Variants in NPAS3 observed in about 807,000 individuals in gnomAD.
NPAS3 encodes the protein neuronal PAS domain-containing protein 3.
NPAS3 carries 14 observed loss-of-function variants against 73.1 expected under a neutral mutation model. The observed-to-expected ratio is 0.19, with a 90% CI of 0.13 to 0.30. The LOEUF is 0.30. Ranked by LOEUF, NPAS3 falls within the 10% of genes least tolerant of loss-of-function variation. NPAS3 has a pLI of 1.00. For synonymous variants in NPAS3, 620 were observed against 541.5 expected (o/e 1.14, Z -2.01); for missense variants, 1,096 against 1,250.0 (o/e 0.88, Z 1.86).
chr14:33,421,929 A>G (rs545832173), intron 4 of NPAS3, among the ~76,000 whole-genome samples: 2 of 152,086 alleles, frequency 1.3e-5, no homozygotes, highest in African/African-American at 4.8e-5. Context: ...TAACTGGAGT[A>G]GTTTTTAATT....
At chr14:33,188,073 A>G (rs2139485905) in intron 2 of NPAS3, among the ~76,000 whole-genome samples, 1 of 152,350 alleles carries the variant, frequency 6.6e-6, no homozygotes, top group South Asian at 2.1e-4. Context: ...ACTGAAATCC[A>G]GGCAGTCTGA....
intron 7 of NPAS3, among the ~76,000 whole-genome samples, chr14:33,757,389 A>G (rs1441899690): frequency 1.3e-5 from 2 of 152,178 alleles, no homozygotes; most frequent in Non-Finnish European, 2.9e-5. Flanking sequence ...CATATGGGGA[A>G]CTGAGGCTCA....
intron 6 of NPAS3, among the ~76,000 whole-genome samples, chr14:33,715,096 G>A (rs925702860): frequency 3.9e-5 from 6 of 152,268 alleles, no homozygotes; most frequent in East Asian, 1.9e-4. Flanking sequence ...GACCCAGATT[G>A]TATGTTTTTA....
At chr14:33,158,935 G>A (rs1354195374) in intron 2 of NPAS3, among the ~76,000 whole-genome samples, 1 of 152,160 alleles carries the variant, frequency 6.6e-6, no homozygotes, top group Non-Finnish European at 1.5e-5. Context: ...GGCTAAGGTG[G>A]GTAGATCACC....
intron 9 of NPAS3, among the ~76,000 whole-genome samples, chr14:33,787,035 T>C (rs1268569384): frequency 1.4e-5 from 2 of 139,684 alleles, no homozygotes; most frequent in African/African-American, 2.9e-5. Flanking sequence ...TTCTCATTTA[T>C]ATAACAAATT....
chr14:33,519,631 G>A (rs184705926), intron 4 of NPAS3, among the ~76,000 whole-genome samples: 115 of 152,164 alleles, frequency 7.6e-4, no homozygotes, highest in Non-Finnish European at 1.4e-3. Flanking sequence ...ACAGATACAT[G>A]GCTTGTAAAG....
intron 2 of NPAS3, among the ~76,000 whole-genome samples, chr14:33,145,181 A>G (rs564474259): frequency 6.6e-6 from 1 of 152,332 alleles, no homozygotes; most frequent in African/African-American, 2.4e-5. Flanking sequence ...CCTTGTATTG[A>G]AAACCTTTAC....
intron 11 of NPAS3, 96 bp from the exon 12 acceptor site, chr14:33,799,638 C>G: frequency 1.5e-6 from 2 of 1,323,884 alleles, no homozygotes; most frequent in Non-Finnish European, 2.1e-6. Context: ...CCCGCCCCAG[C>G]CCCTGCAGGT....
intron 4 of NPAS3, among the ~76,000 whole-genome samples, chr14:33,504,855 G>A (rs1027139212): frequency 4.6e-5 from 7 of 152,010 alleles, no homozygotes; most frequent in South Asian, 2.1e-4. Context: ...GGGATTCTAC[G>A]TGAGGAACAC....
Position 33,574,809 on chromosome 14 carries a change from TC to T in NPAS3, c.558+14600del, listed in dbSNP as rs200523232. On this transcript the variant is annotated intron_variant, in intron 5 of 11. Transcript: ENST00000356141. ...AATAAGTAGGGTTATCTCTTCCTCTTCTGCTGAGAAGTGGGGGAATGGACTT... is the reference window on the plus strand; with the variant it reads ...AATAAGTAGGGTTATCTCTTCCTCTTTGCTGAGAAGTGGGGGAATGGACTT... Among the ~76,000 whole-genome samples, 467 of 152,226 alleles carry T rather than the reference TC, an allele frequency of 3.1e-3. 4 individuals carry two copies. The highest frequency in any genetic ancestry group is 0.011 in the African/African-American group (447 of 41,538).
chr14:33,380,778 A>G (rs926032805), intron 4 of NPAS3, among the ~76,000 whole-genome samples: 5 of 152,124 alleles, frequency 3.3e-5, no homozygotes, highest in African/African-American at 1.2e-4. Context: ...TTGAATTCCC[A>G]TGAGGCTGGG....
chr14:33,442,031 C>T (rs1392663364), intron 4 of NPAS3, among the ~76,000 whole-genome samples: 4 of 152,120 alleles, frequency 2.6e-5, no homozygotes, highest in African/African-American at 9.7e-5. Context: ...TACAATTTCT[C>T]CCTTAATTAT....
intron 7 of NPAS3, among the ~76,000 whole-genome samples, chr14:33,770,902 TCAAAA>T (rs1566521606): frequency 1.3e-5 from 2 of 152,270 alleles, no homozygotes; most frequent in African/African-American, 2.4e-5. Flanking sequence ...AGACTCCATC[TCAAAA>T]CAAAACAAAA....
intron 6 of NPAS3, among the ~76,000 whole-genome samples, chr14:33,725,300 G>A (rs1207566840): frequency 6.6e-6 from 1 of 151,856 alleles, no homozygotes; most frequent in Admixed American, 6.6e-5. Flanking sequence ...ATAAAAGTAT[G>A]GTTATTACCA....
At chr14:33,294,107 T>G (rs1223312177) in intron 3 of NPAS3, among the ~76,000 whole-genome samples, 2 of 152,164 alleles carry the variant, frequency 1.3e-5, no homozygotes, top group Admixed American at 6.5e-5. Context: ...GCTGCCTGCC[T>G]GGGTAGCTGG....
intron 3 of NPAS3, among the ~76,000 whole-genome samples, chr14:33,364,578 A>G (rs1034990933): frequency 3.9e-5 from 6 of 152,180 alleles, no homozygotes; most frequent in Admixed American, 6.5e-5. Flanking sequence ...GCATGAAACT[A>G]CTTGCAAGAT....
At chr14:33,608,632 C>T (rs1442944667) in intron 5 of NPAS3, 2 of 152,140 alleles carry the variant, frequency 1.3e-5, no homozygotes, top group Non-Finnish European at 1.5e-5. Flanking sequence ...CCAGTTTCCA[C>T]CTATGTTCAC....
chr14:33,397,604 A>G (rs1416499690), intron 4 of NPAS3, among the ~76,000 whole-genome samples: 2 of 152,260 alleles, frequency 1.3e-5, no homozygotes, highest in Non-Finnish European at 2.9e-5. Context: ...CCATTGCACT[A>G]TGTGCACTAT....
At chr14:33,340,037 AT>A (rs1266066586) in intron 3 of NPAS3, among the ~76,000 whole-genome samples, 1 of 152,162 alleles carries the variant, frequency 6.6e-6, no homozygotes, top group East Asian at 1.9e-4. Context: ...TGGTTTTGGC[AT>A]TTTTAGTTTT....
Sources: allele counts gnomAD v4.1 joint callset (sites outside exome capture counted in the v4.1 genomes callset), GRCh38; gene constraint gnomAD v4.1.1; transcripts MANE v1.5; gene names NCBI Gene and HGNC (gene_info 2026-07-23, HGNC 2026-07-21).